MS4A5: variants seen among roughly 807,000 people sequenced by gnomAD.
The protein encoded by MS4A5 is membrane-spanning 4-domains subfamily A member 5.
A neutral mutation model predicts 18.2 loss-of-function variants in MS4A5; 15 were observed. That is an observed-to-expected ratio of 0.83 (90% CI 0.55 to 1.27). The LOEUF (loss-of-function observed/expected upper bound fraction) is 1.27, where lower values mean the gene tolerates loss of function less well. Among genes scored for constraint, MS4A5 ranks in the 50% most tolerant of loss-of-function variants. The pLI, the probability that MS4A5 is intolerant of heterozygous loss-of-function variation, is 0.00. For synonymous variants in MS4A5, 89 were observed against 78.7 expected (o/e 1.13, Z -0.69); for missense variants, 232 against 225.7 (o/e 1.03, Z -0.18).
At chr11:60,435,325 C>CA (rs11377519) in intron 4 of MS4A5, 232,250 of 391,444 alleles carry the variant, frequency 0.59, 57,757 homozygotes, top group African/African-American at 0.73. Flanking sequence ...CAGAACATAG[C>CA]AAAAAAAAAA....
At chr11:60,447,355 CT>C (rs1267898826) in intron 4 of MS4A5, among the ~76,000 whole-genome samples, 6 of 151,950 alleles carry the variant, frequency 3.9e-5, no homozygotes, top group Non-Finnish European at 5.9e-5. Flanking sequence ...CTATGCTATG[CT>C]ATGCTATGCT....
chr11:60,430,730 T>G, intron 1 of MS4A5, 66 bp from the exon 2 acceptor site: 2 of 1,568,618 alleles, frequency 1.3e-6, no homozygotes, highest in Non-Finnish European at 1.7e-6. Flanking sequence ...CAAAAGAAGA[T>G]ATTCTAAACA....
rs770069338 is a variant in MS4A5, at chr11:60,432,426, G to A, written c.298G>A (p.Ala100Thr). ...CTCTTAACAGTTCATTAATTCTGGAGCCTTCCTAATTGCAGTGAAAAGAAA... is the reference window on the plus strand; with the variant it reads ...CTCTTAACAGTTCATTAATTCTGGAACCTTCCTAATTGCAGTGAAAAGAAA... ...WGSVLFINSG[A>T]FLIAVKRKTT... is the part of the protein sequence containing the mutation. Residue 100 changes from alanine (A) to threonine (T), a missense_variant, in exon 3 of 5, where the codon GCC (alanine) becomes ACC (threonine). Transcript: ENST00000300190. 2.5e-5 allele frequency: 39 copies of A among 1,591,524 alleles called. No homozygotes were observed. In the Middle Eastern group the frequency reaches 5.0e-4, roughly 20 times the overall value.
chr11:60,445,393 G>A (rs1023979311), intron 4 of MS4A5, among the ~76,000 whole-genome samples: 1 of 151,958 alleles, frequency 6.6e-6, no homozygotes, highest in Non-Finnish European at 1.5e-5. Flanking sequence ...CCGAGTAGCT[G>A]AGATTACAGG....
chr11:60,439,993 A>G (rs930988864), intron 4 of MS4A5, among the ~76,000 whole-genome samples: 6 of 147,224 alleles, frequency 4.1e-5, no homozygotes, highest in African/African-American at 1.2e-4. Context: ...AAAGAACAAA[A>G]CTGGAGGCAT....
chr11:60,433,837 G>A lies in MS4A5; in HGVS notation c.412G>A (p.Gly138Ser). ...AIAGIILLTF[G>S]FILDQNYICG... ...AGCTGGAATCATTCTCCTCACATTTGGTTTCATCCTAGATCAAAACTACAT... is the reference window on the plus strand; with the variant it reads ...AGCTGGAATCATTCTCCTCACATTTAGTTTCATCCTAGATCAAAACTACAT... The change falls in exon 4 of 5, where the codon GGT becomes AGT. Residue 138 changes from glycine (G) to serine (S), a missense_variant. Transcript: ENST00000300190. The A allele has an allele frequency of 1.2e-6, 2 of 1,613,816 alleles. No individual in the cohort carries two copies. The highest frequency in any genetic ancestry group is 1.7e-6 in the Non-Finnish European group (2 of 1,179,756).
chr11:60,442,849 A>G (rs945313005), intron 4 of MS4A5, among the ~76,000 whole-genome samples: 46 of 152,310 alleles, frequency 3.0e-4, no homozygotes, highest in Non-Finnish European at 5.4e-4. Flanking sequence ...TTCAAAAATG[A>G]AAGTGAAATA....
intron 2 of MS4A5, 30 bp from the exon 3 acceptor site, chr11:60,432,381 C>T: frequency 7.0e-7 from 1 of 1,438,530 alleles, no homozygotes. Flanking sequence ...TAAACATGGT[C>T]ATCATTAACA....
chr11:60,435,736 C>T (rs4340070), intron 4 of MS4A5, among the ~76,000 whole-genome samples: 84,889 of 151,334 alleles, frequency 0.56, 24,184 homozygotes, highest in Admixed American at 0.67. Context: ...GCTTAAAAAA[C>T]GGCGCACCAC....
At chr11:60,436,317 G>A (rs2086080446) in intron 4 of MS4A5, among the ~76,000 whole-genome samples, 1 of 142,046 alleles carries the variant, frequency 7.0e-6, no homozygotes, top group Non-Finnish European at 1.6e-5. Context: ...AAACCACAAA[G>A]ATGGGGAAAA....
intron 4 of MS4A5, among the ~76,000 whole-genome samples, chr11:60,436,270 T>C (rs1250210123): frequency 6.8e-6 from 1 of 147,956 alleles, no homozygotes; most frequent in East Asian, 2.0e-4. Context: ...CAAAAACCCA[T>C]CTGTACATCA....
At position 60,431,922 on chromosome 11, in the gene MS4A5, T is replaced by C. The variant is rs539371508; in HGVS notation, c.283-489T>C. ...AAGTGCTGTAATCAGATTTGAAATT[T>C]CCACTAGACAACAATGCTACCACGT... On this transcript the variant is annotated intron_variant, in intron 2 of 4. Coordinates refer to ENST00000300190, the MANE Select transcript of MS4A5 (RefSeq NM_023945.3). 1.2e-4 allele frequency among the ~76,000 whole-genome samples: 18 copies of C among 152,316 alleles called. No homozygotes were observed. The East Asian group carries it at 2.7e-3, about 23-fold the overall frequency.
intron 4 of MS4A5, 21 bp from the exon 5 acceptor site, chr11:60,447,628 T>C (rs1406154917): frequency 7.3e-6 from 10 of 1,369,346 alleles, no homozygotes; most frequent in African/African-American, 4.5e-5. Flanking sequence ...TTCATTTTTT[T>C]TTCTTCTTCT....
At chr11:60,440,077 G>T (rs1353123744) in intron 4 of MS4A5, among the ~76,000 whole-genome samples, 1 of 137,160 alleles carries the variant, frequency 7.3e-6, no homozygotes, top group Non-Finnish European at 1.6e-5. Context: ...CCAAAACAGA[G>T]ATATAGATCA....
At chr11:60,434,592 T>C (rs1279400796) in intron 4 of MS4A5, among the ~76,000 whole-genome samples, 1 of 152,190 alleles carries the variant, frequency 6.6e-6, no homozygotes, top group Non-Finnish European at 1.5e-5. Flanking sequence ...ATTTTGGTAA[T>C]GGTTAAGTAT....
At chr11:60,444,712 C>T (rs1007050750) in intron 4 of MS4A5, among the ~76,000 whole-genome samples, 22 of 152,224 alleles carry the variant, frequency 1.4e-4, no homozygotes, top group African/African-American at 5.1e-4. Flanking sequence ...CACAATAAGA[C>T]ACTACTCCAC....
At chr11:60,435,192 C>T (rs566023719) in intron 4 of MS4A5, among the ~76,000 whole-genome samples, 5 of 152,144 alleles carry the variant, frequency 3.3e-5, no homozygotes, top group African/African-American at 9.6e-5. Context: ...CGAAGTCTAT[C>T]TAGGAGAAAA....
intron 4 of MS4A5, among the ~76,000 whole-genome samples, chr11:60,443,160 A>G (rs1385833318): frequency 6.6e-6 from 1 of 152,112 alleles, no homozygotes; most frequent in East Asian, 1.9e-4. Context: ...AACAACAACA[A>G]AAACACAATG....
At chr11:60,446,295 T>C (rs2086137829) in intron 4 of MS4A5, among the ~76,000 whole-genome samples, 1 of 152,116 alleles carries the variant, frequency 6.6e-6, no homozygotes, top group South Asian at 2.1e-4. Context: ...GCAACCTAAG[T>C]ATAAAGTAAA....
Sources: allele counts gnomAD v4.1 joint callset (sites outside exome capture counted in the v4.1 genomes callset), GRCh38; gene constraint gnomAD v4.1.1; transcripts MANE v1.5; gene names NCBI Gene and HGNC (gene_info 2026-07-23, HGNC 2026-07-21).